Variants in MYH6 observed in about 807,000 individuals in gnomAD.
The protein encoded by MYH6 is myosin-6.
A neutral mutation model predicts 223.2 loss-of-function variants in MYH6; 126 were observed. The ratio of observed to expected loss-of-function variants is 0.56; its 90% CI spans 0.49 to 0.65. The LOEUF is 0.65. Among genes scored for constraint, MYH6 ranks in the 30% least tolerant of loss-of-function variants. MYH6 has a pLI of 0.00. For missense variants in MYH6, 2,040 were observed against 2,536.4 expected (o/e 0.80, Z 4.20); for synonymous variants, 978 against 1,010.2 (o/e 0.97, Z 0.61).
chr14:23,396,757 C>T lies in MYH6; in HGVS notation c.2229G>A (p.Gly743=), dbSNP rs1891408266. The change falls in exon 19 of 39, where the codon GGG becomes GGA. Residue 743 remains glycine, a synonymous_variant. Transcript: ENST00000405093. ...CCAGAGAGCTGAGCAGCTTCTCTGT[C>T]CCCTTCCTGCTATCAATGAACTGTC... ...PEGQFIDSRK[G]TEKLLSSLDI... is the part of the protein sequence containing the mutation. 1.2e-6 allele frequency: 2 copies of T among 1,614,014 alleles called. No homozygotes were observed.
At chr14:23,393,605 A>G in intron 22 of MYH6, 61 bp downstream of exon 22, 1 of 1,614,154 alleles carries the variant, frequency 6.2e-7, no homozygotes, top group East Asian at 2.2e-5. Context: ...GGACCAGGAC[A>G]ACACTCTAGT....
At chr14:23,403,605 G>T in intron 9 of MYH6, 110 bp downstream of exon 9, 1 of 1,227,334 alleles carries the variant, frequency 8.1e-7, no homozygotes, top group Non-Finnish European at 1.2e-6. Context: ...AAAGCCCAGA[G>T]GCAAATGCAG....
Position 23,389,649 on chromosome 14 carries a change from G to C in MYH6, c.3803C>G (p.Ala1268Gly), listed in dbSNP as rs755639321. ...ANEYRVKLEE[A>G]QRSLNDFTTQ... The stretch of plus-strand genomic sequence containing the variant: ...GGTGAAATCATTGAGGGAGCGTTGG[G>C]CCTCTTCTAGCTTCACGCGGTACTC... The change falls in exon 27 of 39, where the codon GCC becomes GGC. Residue 1268 changes from alanine to glycine, a missense_variant. Physicochemically the swap from Ala to Gly is moderately conservative, Grantham distance 60 (BLOSUM62 0). Around this residue, in one of 4 missense-constraint regions of MYH6, gnomAD observed 1,203 missense variants for 1,400.2 expected, o/e 0.86. Coordinates refer to ENST00000405093, the MANE Select transcript of MYH6 (RefSeq NM_002471.4). 20 of 1,614,186 alleles carry C rather than the reference G, an allele frequency of 1.2e-5. No individual in the cohort carries two copies. The highest frequency in any genetic ancestry group is 1.7e-5 in the Non-Finnish European group (20 of 1,180,034).
rs895301297 is a variant in MYH6, at chr14:23,405,900, G to A, written c.202-130C>T. 3.2e-5 allele frequency: 37 copies of A among 1,149,442 alleles called. No homozygotes were observed. Among genetic ancestry groups the A allele is most frequent in the East Asian group, 7.3e-5 (3 of 41,322 alleles). The allele number at this position is 1,149,442 out of a possible 1,614,324, so 71.2% of individuals were successfully genotyped here. ...CTCCCCTTGCTCTGACCAGTGCCCC[G>A]GCCCCTACCCCGATGTCCCCTGGGA... On this transcript the variant is annotated intron_variant, in intron 3 of 38. Transcript: ENST00000405093. The surrounding 1 kb of genome is among the most constrained non-coding windows in gnomAD (Gnocchi z 4.7).
chr14:23,407,585 C>T lies in MYH6; in HGVS notation c.-23G>A. The T allele has an allele frequency of 8.4e-7, 1 of 1,191,036 alleles. No individual in the cohort carries two copies. 73.8% of individuals were successfully genotyped at this position (1,191,036 alleles called of 1,614,324 possible). A position where few individuals can be genotyped will look rare whatever the true frequency, so the allele number is the denominator to read the frequency against. ...TGGGGGCAGTTCTCACCTGGTTATC[C>T]CTTCACGGAGAATCCTGAAGAATCT... On this transcript the variant is annotated 5_prime_UTR_variant, in exon 2 of 39. Transcript: ENST00000405093. The surrounding 1 kb of genome is among the most constrained non-coding windows in gnomAD (Gnocchi z 5.6).
chr14:23,390,693 G>T (rs1891213638), intron 25 of MYH6, among the ~76,000 whole-genome samples: 1 of 152,080 alleles, frequency 6.6e-6, no homozygotes, highest in African/African-American at 2.4e-5. Flanking sequence ...GCCATCAATA[G>T]GAATTTGGCT....
At chr14:23,399,278 C>A (rs375611668) in intron 14 of MYH6, among the ~76,000 whole-genome samples, 25 of 152,156 alleles carry the variant, frequency 1.6e-4, no homozygotes, top group African/African-American at 3.1e-4. Flanking sequence ...AATCACCCCC[C>A]ACAAGGCCCA....
chr14:23,383,806 G>A (rs1032324075), intron 36 of MYH6, among the ~76,000 whole-genome samples: 5 of 152,182 alleles, frequency 3.3e-5, no homozygotes, highest in East Asian at 1.9e-4. Context: ...AACGTCACTC[G>A]ATCATTCCTA....
At chr14:23,385,534 CAG>C (rs1301275787) in intron 34 of MYH6, among the ~76,000 whole-genome samples, 2 of 151,288 alleles carry the variant, frequency 1.3e-5, no homozygotes, top group South Asian at 2.1e-4. Context: ...TAACTGAAAA[CAG>C]TGTGGGTGGG....
Position 23,388,338 on chromosome 14 carries a change from T to C in MYH6, c.4176A>G (p.Lys1392=). The C allele has an allele frequency of 6.2e-7, 1 of 1,612,812 alleles. No homozygotes were observed. Residue 1392 remains lysine (K), a splice_region_variant and synonymous_variant, in exon 30 of 39, where the codon AAA becomes AAG. Transcript: ENST00000405093. ...CCTGCAGCCGCTGGGCCAGCTTCTT[T>C]CTGCCCAGGTGAGGGTGGAGGGTGT... The part of the protein sequence containing the change: ...IQRTEELEEA[K]KKLAQRLQDA...
Position 23,393,647 on chromosome 14 carries a change from C to T in MYH6, c.2928+19G>A, listed in dbSNP as rs369450021. On this transcript the variant is annotated intron_variant, in intron 22 of 38. Coordinates refer to ENST00000405093, the MANE Select transcript of MYH6 (RefSeq NM_002471.4). ...GTCTTGAGGAGACCTGGGCTGAAGCCAGAGGGAGCTGCCCTCACCTTGTTC... is the reference window on the plus strand; with the variant it reads ...GTCTTGAGGAGACCTGGGCTGAAGCTAGAGGGAGCTGCCCTCACCTTGTTC... 22 of 1,614,050 alleles carry T rather than the reference C, an allele frequency of 1.4e-5. No homozygotes were observed. Among genetic ancestry groups the T allele is most frequent in the African/African-American group, 4.0e-5 (3 of 74,900 alleles).
Position 23,400,922 on chromosome 14 carries a change from C to T in MYH6, c.1197G>A (p.Gly399=). 3.1e-6 allele frequency: 5 copies of T among 1,614,246 alleles called. No homozygotes were observed. Among genetic ancestry groups the T allele is most frequent in the Non-Finnish European group, 4.2e-6 (5 of 1,180,052 alleles). Residue 399 remains glycine (G), a synonymous_variant, in exon 13 of 39, where the codon GGG becomes GGA. Coordinates refer to ENST00000405093, the MANE Select transcript of MYH6 (RefSeq NM_002471.4). The part of the protein sequence containing the change: ...MGLNSADLLK[G]LCHPRVKVGN... ...CCACTTTCACCCGAGGGTGGCACAGCCCCTTGAGCAGGTCAGCTGAGTTCA... is the reference window on the plus strand; with the variant it reads ...CCACTTTCACCCGAGGGTGGCACAGTCCCTTGAGCAGGTCAGCTGAGTTCA...
rs1890979278 is a variant in MYH6, at chr14:23,385,046, A to C, written c.5164-5T>G. 6.2e-7 allele frequency: 1 copy of C among 1,614,144 alleles called. No homozygotes were observed. On this transcript the variant is annotated splice_region_variant and splice_polypyrimidine_tract_variant and intron_variant, in intron 34 of 38. Coordinates refer to ENST00000405093, the MANE Select transcript of MYH6 (RefSeq NM_002471.4). ...CTGGTTGATGAGGCTGGTGTTCTAG[A>C]CATGGAGAGAGAAAAATGATCAAAT...
Position 23,407,735 on chromosome 14 carries a change from C to A in MYH6, c.-46-127G>T. 4 of 508,252 alleles carry A rather than the reference C, an allele frequency of 7.9e-6. No homozygotes were observed. The highest frequency in any genetic ancestry group is 1.1e-5 in the Non-Finnish European group (4 of 379,286). 31.5% of individuals were successfully genotyped at this position (508,252 alleles called of 1,614,324 possible). ...GAGGCAGCCCCAGAGCGCAGACAGG[C>A]AGGACAGACCAGGGAGTCAGAAAGG... is the stretch of plus-strand genomic sequence containing the variant. On this transcript the variant is annotated intron_variant, in intron 1 of 38. Coordinates refer to ENST00000405093, the MANE Select transcript of MYH6 (RefSeq NM_002471.4). The surrounding 1 kb of genome is among the most constrained non-coding windows in gnomAD (Gnocchi z 5.6).
In MYH6 at chr14:23,405,323, G is replaced by A; in HGVS notation, c.402C>T (p.Tyr134=). 2.5e-6 allele frequency: 4 copies of A among 1,614,152 alleles called. No individual in the cohort carries two copies. Among genetic ancestry groups the A allele is most frequent in the Non-Finnish European group, 3.4e-6 (4 of 1,180,002 alleles). The change falls in exon 5 of 39, where the codon TAC becomes TAT. Residue 134 remains tyrosine (Y), a synonymous_variant. Transcript: ENST00000405093. The surrounding 1 kb of genome is among the most constrained non-coding windows in gnomAD (Gnocchi z 4.7). ...GGTAGGCGGCCACCACCTCGGCATT[G>A]TACACCGGCAGCCACTTGTAGGGGT... ...TVNPYKWLPV[Y]NAEVVAAYRG...
In MYH6 at chr14:23,386,120, G is replaced by A. The variant is rs566793615; in HGVS notation, c.4971C>T (p.Ile1657=). The A allele has an allele frequency of 1.2e-5, 19 of 1,614,224 alleles. No homozygotes were observed. The highest frequency in any genetic ancestry group is 1.1e-4 in the African/African-American group (8 of 75,054). ...TGGCACGGACCGCATCGTCCAGCTG[G>A]ATCTGGGTGTCCTGAGCATCAGGAG... ...SLQSLLKDTQ[I]QLDDAVRAND... The change falls in exon 34 of 39, where the codon ATC becomes ATT. Residue 1657 remains isoleucine, a synonymous_variant. Coordinates refer to ENST00000405093, the MANE Select transcript of MYH6 (RefSeq NM_002471.4).
In MYH6 at chr14:23,405,316, C is replaced by T. The variant is rs752658033; in HGVS notation, c.409G>A (p.Glu137Lys). ...PYKWLPVYNAEVVAAYRGKKR... is the reference protein window; with the variant it reads ...PYKWLPVYNAKVVAAYRGKKR... ...TTGCCCCGGTAGGCGGCCACCACCTCGGCATTGTACACCGGCAGCCACTTG... is the reference window on the plus strand; with the variant it reads ...TTGCCCCGGTAGGCGGCCACCACCTTGGCATTGTACACCGGCAGCCACTTG... The change falls in exon 5 of 39, where the codon GAG (glutamate) becomes AAG (lysine). Residue 137 changes from glutamate (E) to lysine (K), a missense_variant. By Grantham distance (56) the Glu-to-Lys change is moderately conservative. Transcript: ENST00000405093. The surrounding 1 kb of genome is among the most constrained non-coding windows in gnomAD (Gnocchi z 4.7). 29 of 1,614,138 alleles carry T rather than the reference C, an allele frequency of 1.8e-5. No homozygotes were observed. Among genetic ancestry groups the T allele is most frequent in the East Asian group, 2.2e-5 (1 of 44,888 alleles).
chr14:23,393,624 C>T, intron 22 of MYH6, 42 bp downstream of exon 22: 1 of 1,614,200 alleles, frequency 6.2e-7, no homozygotes, highest in Admixed American at 1.7e-5. Context: ...GTCTGGGAGT[C>T]TTGAGGAGAC....
intron 25 of MYH6, among the ~76,000 whole-genome samples, 175 bp from the exon 26 acceptor site, chr14:23,390,621 C>T (rs1326330224): frequency 6.6e-6 from 1 of 152,160 alleles, no homozygotes; most frequent in Non-Finnish European, 1.5e-5. Context: ...CTTGGTGGGG[C>T]TTGCTACTGG....
Sources: allele counts gnomAD v4.1 joint callset (sites outside exome capture counted in the v4.1 genomes callset), GRCh38; gene constraint gnomAD v4.1.1; regional missense constraint gnomAD v4.1.1; non-coding constraint Gnocchi (gnomAD v3.1); transcripts MANE v1.5; gene names NCBI Gene and HGNC (gene_info 2026-07-23, HGNC 2026-07-21).